Variants in LRRC1 observed in about 807,000 individuals in gnomAD.
LRRC1 encodes leucine-rich repeat-containing protein 1.
In LRRC1, 28 loss-of-function variants were observed where a neutral mutation model predicts 69.9. The ratio of observed to expected loss-of-function variants is 0.40; its 90% CI spans 0.30 to 0.55. The LOEUF is 0.55. Among genes scored for constraint, LRRC1 ranks in the 20% least tolerant of loss-of-function variants. The pLI is 0.47. For synonymous variants in LRRC1, 236 were observed against 240.2 expected (o/e 0.98, Z 0.16); for missense variants, 498 against 609.0 (o/e 0.82, Z 1.92).
chr6:53,826,464 G>C (rs539531151), intron 1 of LRRC1, among the ~76,000 whole-genome samples: 1 of 152,278 alleles, frequency 6.6e-6, no homozygotes, highest in East Asian at 1.9e-4. Context: ...TTAAAAGCTT[G>C]TATTTGATAA....
chr6:53,810,784 A>G (rs867481494), intron 1 of LRRC1, among the ~76,000 whole-genome samples: 2 of 152,190 alleles, frequency 1.3e-5, no homozygotes, highest in Non-Finnish European at 2.9e-5. Context: ...TCACTCAGTG[A>G]TAGGACTAGC....
chr6:53,856,842 T>A (rs1330480779), intron 2 of LRRC1, among the ~76,000 whole-genome samples: 1 of 152,096 alleles, frequency 6.6e-6, no homozygotes, highest in African/African-American at 2.4e-5. Flanking sequence ...CAGGCATCTA[T>A]GTCAGGGGTG....
At chr6:53,825,533 T>G (rs1581855856) in intron 1 of LRRC1, among the ~76,000 whole-genome samples, 1 of 152,160 alleles carries the variant, frequency 6.6e-6, no homozygotes, top group Non-Finnish European at 1.5e-5. Flanking sequence ...ACATTATAAG[T>G]GTGCTTTGGG....
At position 53,858,163 on chromosome 6, in the gene LRRC1, A is replaced by G. The variant is rs77872071; in HGVS notation, c.277+15936A>G. ...CTGGCCATTTCAGGTATGTTATTCC[A>G]TGTTAAGTGTTGAGAACCACAGGCA... On this transcript the variant is annotated intron_variant, in intron 2 of 13. Coordinates refer to ENST00000370888, the MANE Select transcript of LRRC1 (RefSeq NM_018214.5). Among the ~76,000 whole-genome samples, 61 of 152,264 alleles carry G rather than the reference A, an allele frequency of 4.0e-4. 1 individual carries two copies. The East Asian group carries it at 0.011, about 27-fold the overall frequency.
intron 2 of LRRC1, among the ~76,000 whole-genome samples, chr6:53,860,011 C>A (rs535288615): frequency 6.6e-6 from 1 of 152,238 alleles, no homozygotes; most frequent in East Asian, 1.9e-4. Context: ...TAACATTCCA[C>A]CTTCTCTCTC....
At position 53,879,039 on chromosome 6, in the gene LRRC1, G is replaced by A. The variant is rs774730885; in HGVS notation, c.324G>A (p.Gln108=). 1.9e-6 allele frequency: 3 copies of A among 1,613,336 alleles called. No individual in the cohort carries two copies. ...GCATTTCATTCTGTAAAGCACTGCA[G>A]GTAGCTGACTTCAGCGGAAACCCAC... ...PESISFCKAL[Q]VADFSGNPLT... The change falls in exon 3 of 14, where the codon CAG becomes CAA. Residue 108 remains glutamine, a synonymous_variant. Coordinates refer to ENST00000370888, the MANE Select transcript of LRRC1 (RefSeq NM_018214.5).
chr6:53,799,833 A>G lies in LRRC1; in HGVS notation c.159+4418A>G, dbSNP rs114644904. ...GCTATTCTTTCCATCTCAAAGGTCC[A>G]AGGACTTACCTCTGATCCTTCCTTC... On this transcript the variant is annotated intron_variant, in intron 1 of 13. Transcript: ENST00000370888. 4.0e-3 allele frequency among the ~76,000 whole-genome samples: 607 copies of G among 152,302 alleles called. 5 individuals are homozygous for G. The highest frequency in any genetic ancestry group is 0.014 in the African/African-American group (571 of 41,558).
intron 1 of LRRC1, among the ~76,000 whole-genome samples, chr6:53,802,723 G>A (rs758312773): frequency 7.9e-5 from 12 of 152,138 alleles, no homozygotes; most frequent in Non-Finnish European, 1.6e-4. Context: ...TAATATGAAT[G>A]TATATTTATG....
intron 3 of LRRC1, among the ~76,000 whole-genome samples, chr6:53,882,199 T>G (rs1454617579): frequency 1.3e-5 from 2 of 152,062 alleles, no homozygotes; most frequent in African/African-American, 4.8e-5. Context: ...AATACAAAAA[T>G]TATCTGGGCG....
rs1220862249 is a variant in LRRC1, at chr6:53,809,004, ACTTAACAGCTGAATC to A, written c.159+13594_159+13608del. On this transcript the variant is annotated intron_variant, in intron 1 of 13. Transcript: ENST00000370888. ...CTGGATTTCCTACTTTCAGGATGTA[ACTTAACAGCTGAATC>A]CTTATATACATACTTAAAGTCAAAG... 2.2e-4 allele frequency among the ~76,000 whole-genome samples: 33 copies of A among 152,342 alleles called. No individual in the cohort carries two copies. The South Asian group carries it at 6.4e-3, about 30-fold the overall frequency.
chr6:53,814,051 C>G (rs1297227930), intron 1 of LRRC1, among the ~76,000 whole-genome samples: 3 of 152,148 alleles, frequency 2.0e-5, no homozygotes, highest in African/African-American at 7.2e-5. Flanking sequence ...CGTACTTCCT[C>G]TTTTGCTTAT....
intron 2 of LRRC1, among the ~76,000 whole-genome samples, chr6:53,857,713 C>T (rs1292760098): frequency 6.6e-6 from 1 of 152,196 alleles, no homozygotes; most frequent in Non-Finnish European, 1.5e-5. Flanking sequence ...TTTGGGAGGT[C>T]ATCTGTGACA....
intron 2 of LRRC1, among the ~76,000 whole-genome samples, chr6:53,866,412 C>T (rs547732518): frequency 3.3e-5 from 5 of 152,086 alleles, no homozygotes; most frequent in East Asian, 3.9e-4. Flanking sequence ...TTAGTCAGTA[C>T]GTGTTGTTGA....
At chr6:53,897,412 C>G in intron 7 of LRRC1, 53 bp downstream of exon 7, 1 of 1,279,512 alleles carries the variant, frequency 7.8e-7, no homozygotes, top group Middle Eastern at 1.9e-4. Context: ...CAACAATAAG[C>G]TTTGTGTATT....
chr6:53,914,092 A>G (rs1768494692), intron 11 of LRRC1, 123 bp downstream of exon 11: 5 of 663,648 alleles, frequency 7.5e-6, no homozygotes, highest in Middle Eastern at 2.5e-4. Context: ...GATTTTTCAA[A>G]TGACCTAGGC....
rs138441749 is a variant in LRRC1, at chr6:53,837,214, G to A, written c.160-4896G>A. On this transcript the variant is annotated intron_variant, in intron 1 of 13. Transcript: ENST00000370888. ...TATATTCTGGAAAAAATATATGTGA[G>A]AGTTTTTTTTTTAAAGATCTATACC... is the stretch of plus-strand genomic sequence containing the variant. Among the ~76,000 whole-genome samples, 23 of 140,114 alleles carry A rather than the reference G, an allele frequency of 1.6e-4. 1 individual carries two copies. The East Asian group carries it at 4.8e-3, about 29-fold the overall frequency. 91.9% of individuals were successfully genotyped at this position (140,114 alleles called of 152,430 possible).
At chr6:53,808,968 A>G (rs1764712905) in intron 1 of LRRC1, among the ~76,000 whole-genome samples, 1 of 152,238 alleles carries the variant, frequency 6.6e-6, no homozygotes, top group Non-Finnish European at 1.5e-5. Context: ...AGTGACACCC[A>G]TTCTTTGGTG....
intron 1 of LRRC1, 75 bp downstream of exon 1, chr6:53,795,490 C>T (rs1764268588): frequency 7.0e-7 from 1 of 1,427,154 alleles, no homozygotes; most frequent in Non-Finnish European, 9.3e-7. Flanking sequence ...CTCTCGTCCC[C>T]TCTTCCATCT....
intron 1 of LRRC1, among the ~76,000 whole-genome samples, chr6:53,834,755 C>T (rs547387166): frequency 2.8e-4 from 43 of 152,228 alleles, no homozygotes; most frequent in African/African-American, 1.0e-3. Flanking sequence ...AGGCGGATCA[C>T]GAGGTCAGGA....
Sources: allele counts gnomAD v4.1 joint callset (sites outside exome capture counted in the v4.1 genomes callset), GRCh38; gene constraint gnomAD v4.1.1; transcripts MANE v1.5; gene names NCBI Gene and HGNC (gene_info 2026-07-23, HGNC 2026-07-21).